The following PHACTR1 variants were observed in gnomAD, a reference collection of about 807,000 sequenced individuals.
The protein encoded by PHACTR1 is phosphatase and actin regulator 1.
A neutral mutation model predicts 69.2 loss-of-function variants in PHACTR1; 16 were observed. The ratio of observed to expected loss-of-function variants is 0.23; its 90% CI spans 0.16 to 0.35. The LOEUF (loss-of-function observed/expected upper bound fraction) is 0.35. Among genes scored for constraint, PHACTR1 ranks in the 10% least tolerant of loss-of-function variants. The pLI is 1.00. For synonymous variants in PHACTR1, 312 were observed against 284.5 expected, an observed-to-expected ratio of 1.10 and a Z score of -0.97; for missense variants, 510 against 734.7, an observed-to-expected ratio of 0.69 and a Z score of 3.54.
rs189142304 is a variant in PHACTR1 at position 12,731,354 on chromosome 6, T to G, written c.103+12507T>G. ...AACCCATGCAGTAATATATTCTGTT[T>G]CATTTAGTTGATTATGCACTGTTTG... is the stretch of plus-strand genomic sequence containing the variant. On this transcript the variant is annotated intron_variant, in intron 3 of 14. Transcript: ENST00000332995. 1.8e-3 allele frequency among the ~76,000 whole-genome samples: 269 copies of G among 152,306 alleles called. 1 individual carries two copies. The highest frequency in any genetic ancestry group is 6.3e-3 in the African/African-American group (261 of 41,574).
chr6:12,865,089 G>A (rs1182290674), intron 4 of PHACTR1, among the ~76,000 whole-genome samples: 13 of 152,052 alleles, frequency 8.5e-5, no homozygotes, highest in African/African-American at 2.9e-4. Flanking sequence ...GTTTTCCTGG[G>A]ACTACCCCAA....
At chr6:13,011,916 A>T (rs981985747) in intron 4 of PHACTR1, among the ~76,000 whole-genome samples, 6 of 152,232 alleles carry the variant, frequency 3.9e-5, no homozygotes, top group Non-Finnish European at 7.3e-5. Flanking sequence ...GTCCTTTGTA[A>T]TCTCTAAGAT....
chr6:12,780,802 C>T (rs1309078778), intron 4 of PHACTR1, among the ~76,000 whole-genome samples: 1 of 152,166 alleles, frequency 6.6e-6, no homozygotes, highest in Non-Finnish European at 1.5e-5. Flanking sequence ...CTTAAATGGA[C>T]AATTTCTGAA....
intron 5 of PHACTR1, among the ~76,000 whole-genome samples, chr6:13,054,516 T>C (rs1806483199): frequency 6.6e-6 from 1 of 152,204 alleles, no homozygotes; most frequent in Non-Finnish European, 1.5e-5. Context: ...GCTGACAAGA[T>C]AGGTTTTCTT....
chr6:13,204,976 T>C (rs1417764814), intron 7 of PHACTR1, among the ~76,000 whole-genome samples: 7 of 152,232 alleles, frequency 4.6e-5, no homozygotes, highest in Admixed American at 6.5e-5. Flanking sequence ...TAGACATATA[T>C]TGTAGACTAG....
At chr6:13,152,195 G>C (rs371098346) in intron 5 of PHACTR1, among the ~76,000 whole-genome samples, 1 of 152,050 alleles carries the variant, frequency 6.6e-6, no homozygotes, top group African/African-American at 2.4e-5. Context: ...TTAGCCAGGC[G>C]TGGTGGTGGG....
chr6:13,057,268 C>T (rs1806938643), intron 5 of PHACTR1, among the ~76,000 whole-genome samples: 1 of 152,022 alleles, frequency 6.6e-6, no homozygotes, highest in Non-Finnish European at 1.5e-5. Flanking sequence ...ATATATACAA[C>T]TATTGTGTAT....
At chr6:12,735,734 G>A (rs1764155193) in intron 3 of PHACTR1, among the ~76,000 whole-genome samples, 1 of 152,188 alleles carries the variant, frequency 6.6e-6, no homozygotes, top group East Asian at 1.9e-4. Context: ...GACCCATATT[G>A]TTACAGGAAA....
intron 4 of PHACTR1, among the ~76,000 whole-genome samples, chr6:12,885,885 A>C (rs1250355043): frequency 6.6e-6 from 1 of 152,228 alleles, no homozygotes; most frequent in African/African-American, 2.4e-5. Context: ...ACCTGAGGTC[A>C]GGAGTTCAAG....
At chr6:12,751,486 G>C (rs1475731500) in intron 4 of PHACTR1, among the ~76,000 whole-genome samples, 1 of 152,174 alleles carries the variant, frequency 6.6e-6, no homozygotes, top group East Asian at 1.9e-4. Flanking sequence ...TGACCCCTTT[G>C]CTTAGCCCAG....
chr6:13,244,568 A>G (rs376210231), intron 10 of PHACTR1, among the ~76,000 whole-genome samples: 1 of 152,238 alleles, frequency 6.6e-6, no homozygotes, highest in East Asian at 1.9e-4. Flanking sequence ...CTAGCTGCAC[A>G]TTCTCTTTCT....
chr6:13,058,083 T>C (rs1043358537), intron 5 of PHACTR1, among the ~76,000 whole-genome samples: 100 of 152,320 alleles, frequency 6.6e-4, no homozygotes, highest in African/African-American at 2.2e-3. Context: ...ATGAGCCTGA[T>C]ACATTCAGCT....
At chr6:12,949,316 A>G (rs965202890) in intron 4 of PHACTR1, among the ~76,000 whole-genome samples, 1 of 152,038 alleles carries the variant, frequency 6.6e-6, no homozygotes, top group East Asian at 1.9e-4. Flanking sequence ...AAAAAGAAAA[A>G]TGGTCCACAT....
chr6:12,792,534 G>C (rs990935896), intron 4 of PHACTR1, among the ~76,000 whole-genome samples: 28 of 107,724 alleles, frequency 2.6e-4, no homozygotes, highest in African/African-American at 8.4e-4. Flanking sequence ...AAAATATATA[G>C]AGTGGTTTTA....
intron 4 of PHACTR1, among the ~76,000 whole-genome samples, chr6:12,855,212 A>T (rs1424459179): frequency 6.6e-6 from 1 of 152,206 alleles, no homozygotes; most frequent in East Asian, 1.9e-4. Context: ...GCCATAAAAA[A>T]CCAATTGGCC....
At chr6:12,767,556 G>A (rs1315984823) in intron 4 of PHACTR1, among the ~76,000 whole-genome samples, 1 of 152,216 alleles carries the variant, frequency 6.6e-6, no homozygotes, top group Non-Finnish European at 1.5e-5. Flanking sequence ...GGAGACATGA[G>A]AAATCTCCTT....
In PHACTR1 at chr6:12,818,655, G is replaced by A. The variant is rs73360085; in HGVS notation, c.250+68865G>A. Reference sequence around the variant, plus strand: ...ACAGAGCTATGAAAAGAATTCTTTAGTATATTTTCTAATGAGTTGACAGCT... The same window carrying A: ...ACAGAGCTATGAAAAGAATTCTTTAATATATTTTCTAATGAGTTGACAGCT... On this transcript the variant is annotated intron_variant, in intron 4 of 14. Coordinates refer to ENST00000332995, the MANE Select transcript of PHACTR1 (RefSeq NM_030948.6). Among the ~76,000 whole-genome samples, 535 of 152,262 alleles carry A rather than the reference G, an allele frequency of 3.5e-3. 2 individuals carry two copies. The highest frequency in any genetic ancestry group is 0.012 in the African/African-American group (491 of 41,536).
chr6:13,268,525 T>C (rs989596223), intron 10 of PHACTR1, among the ~76,000 whole-genome samples: 1 of 152,230 alleles, frequency 6.6e-6, no homozygotes, highest in African/African-American at 2.4e-5. Flanking sequence ...AACTAACATA[T>C]GTACAGTGCT....
intron 4 of PHACTR1, among the ~76,000 whole-genome samples, chr6:13,018,531 C>A (rs955835229): frequency 6.6e-6 from 1 of 152,092 alleles, no homozygotes. Flanking sequence ...ATTGTTACCC[C>A]CCAAGTCCAG....
Sources: allele counts gnomAD v4.1 joint callset (sites outside exome capture counted in the v4.1 genomes callset), GRCh38; gene constraint gnomAD v4.1.1; transcripts MANE v1.5; gene names NCBI Gene and HGNC (gene_info 2026-07-23, HGNC 2026-07-21).